Variants in C12orf50 observed in about 807,000 individuals in gnomAD.
The protein encoded by C12orf50 is zinc finger CCCH-type containing 11D, also known as uncharacterized protein C12orf50.
A neutral mutation model predicts 61.6 loss-of-function variants in C12orf50; 35 were observed. The observed-to-expected ratio is 0.57, with a 90% CI of 0.43 to 0.75. The LOEUF (loss-of-function observed/expected upper bound fraction) is 0.75, where lower values mean the gene tolerates loss of function less well. Ranked by LOEUF, C12orf50 falls within the 30% of genes least tolerant of loss-of-function variation. The pLI is 0.00. For synonymous variants in C12orf50, 178 were observed against 161.5 expected (o/e 1.10, Z -0.77); for missense variants, 475 against 488.5 (o/e 0.97, Z 0.26).
At position 87,983,162 on chromosome 12, in the gene C12orf50, G is replaced by A; in HGVS notation, c.1160C>T (p.Ala387Val). The A allele has an allele frequency of 6.2e-7, 1 of 1,604,470 alleles. No individual in the cohort carries two copies. Among genetic ancestry groups the A allele is most frequent in the East Asian group, 2.2e-5 (1 of 44,616 alleles). Residue 387 changes from alanine (A) to valine (V), a missense_variant, in exon 12 of 13, where the codon GCC becomes GTC. Physicochemically the swap from Ala to Val is moderately conservative, Grantham distance 64. Coordinates refer to ENST00000298699, the MANE Select transcript of C12orf50 (RefSeq NM_152589.3). ...TGAAAAAGGAATTCGTTTTCGCCAG[G>A]CTGAATCATTATATGATGTTGACGT... The part of the protein sequence containing the change: ...KYTSTSYNDS[A>V]WRKRIPFSKT...
At chr12:87,984,358 G>A (rs2030687805) in intron 11 of C12orf50, 1 of 152,006 alleles carries the variant, frequency 6.6e-6, no homozygotes, top group African/African-American at 2.4e-5. Flanking sequence ...TTCAAATAAG[G>A]GTAAGCTACA....
chr12:88,020,698 T>C (rs2032482755), intron 3 of C12orf50, among the ~76,000 whole-genome samples: 5 of 152,060 alleles, frequency 3.3e-5, no homozygotes, highest in Admixed American at 3.3e-4. Flanking sequence ...AATAAACATC[T>C]ACAGAACTCT....
chr12:88,029,958 G>A (rs992757413), upstream of C12orf50, among the ~76,000 whole-genome samples: 2 of 152,086 alleles, frequency 1.3e-5, no homozygotes, highest in Admixed American at 6.6e-5. Context: ...GTGCTTGAAG[G>A]CTTTGAGAAT....
intron 3 of C12orf50, among the ~76,000 whole-genome samples, chr12:88,015,724 T>C (rs1321129925): frequency 6.6e-6 from 1 of 152,210 alleles, no homozygotes; most frequent in African/African-American, 2.4e-5. Flanking sequence ...TTAACAGAAT[T>C]ATGTTTTCTT....
chr12:87,981,874 C>T (rs1054581601), intron 12 of C12orf50, among the ~76,000 whole-genome samples: 1 of 152,120 alleles, frequency 6.6e-6, no homozygotes, highest in Non-Finnish European at 1.5e-5. Context: ...AAAAATTTCT[C>T]TTCAAAGCTT....
In C12orf50 at chr12:87,986,012, G is replaced by T. The variant is rs777602623; in HGVS notation, c.964C>A (p.Arg322Ser). Reference protein sequence around the residue: ...PRPQNKMSYHRNNKNRNAENA... With the variant: ...PRPQNKMSYHSNNKNRNAENA... ...TCCGCATTTCGATTTTTATTATTGCGGTGATAACTCATTTTATTTTGGGGT... is the reference window on the plus strand; with the variant it reads ...TCCGCATTTCGATTTTTATTATTGCTGTGATAACTCATTTTATTTTGGGGT... The change falls in exon 11 of 13, where the codon CGC (arginine) becomes AGC (serine). Residue 322 changes from arginine (R) to serine (S), a missense_variant. By Grantham distance (110) the Arg-to-Ser change is moderately radical. Transcript: ENST00000298699. 1.2e-6 allele frequency: 2 copies of T among 1,613,776 alleles called. No individual in the cohort carries two copies. The highest frequency in any genetic ancestry group is 2.2e-5 in the South Asian group (2 of 91,076).
At chr12:88,005,008 T>G (rs1009739637) in intron 3 of C12orf50, among the ~76,000 whole-genome samples, 7 of 151,952 alleles carry the variant, frequency 4.6e-5, no homozygotes, top group African/African-American at 1.7e-4. Flanking sequence ...AGAACCAACT[T>G]GCACAAACAA....
intron 3 of C12orf50, among the ~76,000 whole-genome samples, chr12:88,018,643 G>A (rs1302931581): frequency 6.6e-6 from 1 of 152,364 alleles, no homozygotes; most frequent in South Asian, 2.1e-4. Context: ...ACCAGCCAGT[G>A]AAAGCAGCCA....
chr12:87,981,256 G>A (rs1413359002), intron 12 of C12orf50, among the ~76,000 whole-genome samples: 4 of 152,042 alleles, frequency 2.6e-5, no homozygotes, highest in Non-Finnish European at 5.9e-5. Flanking sequence ...TAATTTCTGG[G>A]AATTGGAACA....
chr12:87,995,804 T>C (rs2031359011), intron 6 of C12orf50, among the ~76,000 whole-genome samples: 1 of 152,210 alleles, frequency 6.6e-6, no homozygotes, highest in South Asian at 2.1e-4. Context: ...TCGCCACGTT[T>C]GAATAGTTCG....
intron 3 of C12orf50, among the ~76,000 whole-genome samples, chr12:87,998,788 A>G (rs565123716): frequency 6.6e-6 from 1 of 152,376 alleles, no homozygotes; most frequent in African/African-American, 2.4e-5. Flanking sequence ...CAAGACCAGA[A>G]CTAAATCTTT....
chr12:87,989,407 C>T (rs1350974474), intron 7 of C12orf50, 36 bp from the exon 8 acceptor site: 1 of 1,466,648 alleles, frequency 6.8e-7, no homozygotes, highest in Non-Finnish European at 9.5e-7. Context: ...GCAACAATGG[C>T]AGAAAGTGAT....
intron 3 of C12orf50, among the ~76,000 whole-genome samples, chr12:88,026,078 G>C (rs1192565418): frequency 6.6e-6 from 1 of 152,076 alleles, no homozygotes; most frequent in African/African-American, 2.4e-5. Flanking sequence ...GTGTAACCCA[G>C]ATCCTGCCCT....
intron 6 of C12orf50, 94 bp from the exon 7 acceptor site, chr12:87,994,837 T>G: frequency 1.5e-5 from 11 of 734,308 alleles, no homozygotes. Flanking sequence ...TAAAAAAGCT[T>G]TAAAGTTAAT....
intron 11 of C12orf50, chr12:87,984,502 TG>T (rs988879053): frequency 3.9e-4 from 59 of 152,324 alleles, no homozygotes; most frequent in African/African-American, 1.4e-3. Flanking sequence ...CCAAGTCCCA[TG>T]TCCTTCCATG....
chr12:88,019,206 C>T (rs572896843), intron 3 of C12orf50, among the ~76,000 whole-genome samples: 3 of 151,988 alleles, frequency 2.0e-5, no homozygotes, highest in African/African-American at 7.3e-5. Flanking sequence ...CAGGTATTTC[C>T]CATGCTGTTC....
In C12orf50 at chr12:87,986,378, C is replaced by T. The variant is rs775620385; in HGVS notation, c.856G>A (p.Gly286Ser). 6 of 1,610,814 alleles carry T rather than the reference C, an allele frequency of 3.7e-6. No individual in the cohort carries two copies. Among genetic ancestry groups the T allele is most frequent in the South Asian group, 2.2e-5 (2 of 90,522 alleles). The change falls in exon 10 of 13, where the codon GGT (glycine) becomes AGT (serine). Residue 286 changes from glycine (G) to serine (S), a missense_variant. Transcript: ENST00000298699. Reference sequence around the variant, plus strand: ...TAAATCCATTTTCTTTTCTTCACACCTTTAAAATGAGGCTTCTTCACTGGC... The same window carrying T: ...TAAATCCATTTTCTTTTCTTCACACTTTTAAAATGAGGCTTCTTCACTGGC... ...VQPVKKPHFK[G>S]VKKRKWIYDE...
intron 1 of C12orf50, chr12:88,027,928 C>T (rs975757103): frequency 2.0e-5 from 3 of 152,112 alleles, no homozygotes; most frequent in Admixed American, 6.6e-5. Flanking sequence ...TCTCATAGCA[C>T]GGGTTAGTAG....
At chr12:87,983,234 T>TA in intron 11 of C12orf50, 39 bp from the exon 12 acceptor site, 1 of 1,357,484 alleles carries the variant, frequency 7.4e-7, no homozygotes, top group Non-Finnish European at 1.0e-6. Flanking sequence ...TTTTATAACT[T>TA]TAAAATCATA....
Sources: allele counts gnomAD v4.1 joint callset (sites outside exome capture counted in the v4.1 genomes callset), GRCh38; gene constraint gnomAD v4.1.1; transcripts MANE v1.5; gene names NCBI Gene and HGNC (gene_info 2026-07-23, HGNC 2026-07-21).